DIXDC1: variants seen among roughly 807,000 people sequenced by gnomAD.
DIXDC1 encodes the protein dixin.
DIXDC1 carries 64 observed loss-of-function variants against 103.1 expected under a neutral mutation model. The ratio of observed to expected loss-of-function variants is 0.62; its 90% CI spans 0.51 to 0.76. The LOEUF is 0.76. DIXDC1 is among the 30% of genes least tolerant of loss of function. DIXDC1 has a pLI of 0.00. For missense variants in DIXDC1, 759 were observed against 834.2 expected (o/e 0.91, Z 1.11); for synonymous variants, 266 against 298.5 (o/e 0.89, Z 1.12).
intron 17 of DIXDC1, among the ~76,000 whole-genome samples, chr11:112,002,957 A>G (rs1444800849): frequency 1.3e-5 from 2 of 152,210 alleles, no homozygotes; most frequent in African/African-American, 2.4e-5. Flanking sequence ...GGAGCTGGAT[A>G]TTATTATGTG....
At position 112,019,727 on chromosome 11, in the gene DIXDC1, G is replaced by T. The variant is rs1397359003; in HGVS notation, c.*691G>T. ...CAGCTTGTCCTTTTGCCCACATAGG[G>T]CCTATTTCATGTACTGTTAGTTTTC... On this transcript the variant is annotated 3_prime_UTR_variant, in exon 20 of 20. Coordinates refer to ENST00000440460, the MANE Select transcript of DIXDC1 (RefSeq NM_001037954.4). 6.6e-6 allele frequency: 1 copy of T among 152,538 alleles called. No individual in the cohort carries two copies. Among genetic ancestry groups the T allele is most frequent in the Non-Finnish European group, 1.5e-5 (1 of 68,046 alleles). 9.4% of individuals were successfully genotyped at this position (152,538 alleles called of 1,614,324 possible). A position where few individuals can be genotyped will look rare whatever the true frequency, so the allele number is the denominator to read the frequency against.
At chr11:111,975,317 C>T in intron 5 of DIXDC1, 1 of 1,138,928 alleles carries the variant, frequency 8.8e-7, no homozygotes, top group Non-Finnish European at 1.1e-6. Flanking sequence ...TTTATGATAG[C>T]CAGTTCCATT....
At chr11:111,987,976 G>A (rs782361129) in intron 9 of DIXDC1, among the ~76,000 whole-genome samples, 3 of 151,514 alleles carry the variant, frequency 2.0e-5, no homozygotes, top group Non-Finnish European at 4.4e-5. Context: ...TTTTAATAGA[G>A]CAACTTTTAT....
chr11:111,994,935 A>C, intron 14 of DIXDC1, 84 bp from the exon 15 acceptor site: 1 of 1,223,494 alleles, frequency 8.2e-7, no homozygotes, highest in African/African-American at 1.5e-5. Flanking sequence ...TCAGGAAGTG[A>C]TAAATGTAAA....
At chr11:111,975,178 G>C in intron 5 of DIXDC1, 195 bp downstream of exon 5, 1 of 1,381,526 alleles carries the variant, frequency 7.2e-7, no homozygotes, top group Non-Finnish European at 9.4e-7. Context: ...TGGGGTGCTG[G>C]TTTATTTCCC....
At position 112,016,760 on chromosome 11, in the gene DIXDC1, G is replaced by T; in HGVS notation, c.1826G>T (p.Arg609Leu). ...TCTKVLYFTD[R>L]SLTPFMVNIP... The stretch of plus-strand genomic sequence containing the variant: ...ACTAAAGTGCTCTATTTCACTGACC[G>T]GTCACTTACGCCCTTCATGGTCAAT... Residue 609 changes from arginine (R) to leucine (L), a missense_variant, in exon 18 of 20, where the codon CGG becomes CTG. Coordinates refer to ENST00000440460, the MANE Select transcript of DIXDC1 (RefSeq NM_001037954.4). 2 of 1,608,874 alleles carry T rather than the reference G, an allele frequency of 1.2e-6. No homozygotes were observed. The highest frequency in any genetic ancestry group is 1.1e-5 in the South Asian group (1 of 90,020).
At chr11:111,964,843 G>A (rs1438426863) in intron 2 of DIXDC1, among the ~76,000 whole-genome samples, 165 bp downstream of exon 2, 4 of 152,064 alleles carry the variant, frequency 2.6e-5, no homozygotes, top group South Asian at 2.1e-4. Flanking sequence ...TTATTTATTC[G>A]TCAATAAACA....
rs368837847 is a variant in DIXDC1 at position 111,958,720 on chromosome 11, C to T, written c.61-5829C>T. Among the ~76,000 whole-genome samples the T allele has an allele frequency of 3.3e-5, 5 of 152,154 alleles. No individual in the cohort carries two copies. The highest frequency in any genetic ancestry group is 2.1e-4 in the South Asian group (1 of 4,824). ...GCCTGGGGGGTCAGGCTGCCAGCCC[C>T]GCAGACCGGAGTGGGAATTTATGGT... On this transcript the variant is annotated intron_variant, in intron 1 of 19. Coordinates refer to ENST00000440460, the MANE Select transcript of DIXDC1 (RefSeq NM_001037954.4). The surrounding 1 kb of genome is among the most constrained non-coding windows in gnomAD (Gnocchi z 4.2).
upstream of DIXDC1, chr11:111,937,193 C>A (rs1966230513): frequency 8.4e-6 from 9 of 1,074,970 alleles, no homozygotes; most frequent in African/African-American, 3.4e-5. Context: ...CCCGCCTGGC[C>A]GTGCGGCTTT....
At chr11:111,929,216 G>T (rs1384729422) in intron 1 of DIXDC1, among the ~76,000 whole-genome samples, 1 of 152,154 alleles carries the variant, frequency 6.6e-6, no homozygotes, top group Non-Finnish European at 1.5e-5. Flanking sequence ...TGCCTCTCTG[G>T]GTTAAAACTC....
intron 14 of DIXDC1, 57 bp downstream of exon 14, chr11:111,993,797 G>A: frequency 1.3e-6 from 2 of 1,585,434 alleles, no homozygotes; most frequent in Non-Finnish European, 1.7e-6. Flanking sequence ...GGGAGATTGT[G>A]TTTCTGACTC....
In DIXDC1 at chr11:111,995,437, G is replaced by T. The variant is rs781903706; in HGVS notation, c.1562G>T (p.Arg521Leu). Residue 521 changes from arginine to leucine, a missense_variant, in exon 16 of 20, where the codon CGC (arginine) becomes CTC (leucine). Arg to Leu is a moderately radical substitution (Grantham distance 102). Around this residue, in one of 3 missense-constraint regions of DIXDC1, gnomAD observed 657 missense variants for 727.5 expected, o/e 0.90. Coordinates refer to ENST00000440460, the MANE Select transcript of DIXDC1 (RefSeq NM_001037954.4). ...CTGCAGCTTGTTCGAGATGCTCTCCGCAGCCTGCGCAACAGCTTCAGTGGC... is the reference window on the plus strand; with the variant it reads ...CTGCAGCTTGTTCGAGATGCTCTCCTCAGCCTGCGCAACAGCTTCAGTGGC... ...SDLQLVRDAL[R>L]SLRNSFSGHD... 1 of 1,613,242 alleles carries T rather than the reference G, an allele frequency of 6.2e-7. No individual in the cohort carries two copies. Among genetic ancestry groups the T allele is most frequent in the African/African-American group, 1.3e-5 (1 of 74,908 alleles).
chr11:111,974,848 T>G, intron 4 of DIXDC1, 28 bp from the exon 5 acceptor site: 1 of 1,609,154 alleles, frequency 6.2e-7, no homozygotes, highest in Non-Finnish European at 8.5e-7. Context: ...ACTGACACCT[T>G]CCCTTTGCTG....
At chr11:112,004,663 A>G (rs1861178870) in intron 17 of DIXDC1, among the ~76,000 whole-genome samples, 1 of 152,344 alleles carries the variant, frequency 6.6e-6, no homozygotes, top group Admixed American at 6.5e-5. Context: ...AGGAAACAGC[A>G]TACAGAGACT....
chr11:111,962,085 T>C (rs1365253413), intron 1 of DIXDC1, among the ~76,000 whole-genome samples: 13 of 152,194 alleles, frequency 8.5e-5, no homozygotes, highest in African/African-American at 3.1e-4. Context: ...ATTGTTGAAC[T>C]GATTGTGTGA....
intron 1 of DIXDC1, among the ~76,000 whole-genome samples, chr11:111,944,146 C>G (rs2137452225): frequency 6.6e-6 from 1 of 152,314 alleles, no homozygotes. Flanking sequence ...ACCCTCATCT[C>G]CTCATCTTCT....
intron 1 of DIXDC1, among the ~76,000 whole-genome samples, chr11:111,951,416 C>A (rs1332754255): frequency 1.3e-5 from 2 of 151,868 alleles, no homozygotes; most frequent in Non-Finnish European, 2.9e-5. Context: ...CTACTGTATA[C>A]CTATAAAAAT....
At position 111,995,067 on chromosome 11, in the gene DIXDC1, C is replaced by T. The variant is rs371636063; in HGVS notation, c.1486C>T (p.Pro496Ser). 1 of 1,613,820 alleles carries T rather than the reference C, an allele frequency of 6.2e-7. No individual in the cohort carries two copies. ...CTCTCAAAGCAATGGTTTTCTCCTT[C>T]CAACGGCAGGAAAAGGAGCTACTTC... ...HNSQSNGFLL[P>S]TAGKGATSVS... The change falls in exon 15 of 20, where the codon CCA (proline) becomes TCA (serine). Residue 496 changes from proline to serine, a missense_variant. Physicochemically the swap from Pro to Ser is moderately conservative, Grantham distance 74 (BLOSUM62 -1). Coordinates refer to ENST00000440460, the MANE Select transcript of DIXDC1 (RefSeq NM_001037954.4).
chr11:111,950,900 G>A (rs995435055), intron 1 of DIXDC1, among the ~76,000 whole-genome samples: 3 of 152,064 alleles, frequency 2.0e-5, no homozygotes, highest in African/African-American at 7.2e-5. Context: ...TATACTTTTA[G>A]TTACTTTAAA....
Sources: allele counts gnomAD v4.1 joint callset (sites outside exome capture counted in the v4.1 genomes callset), GRCh38; gene constraint gnomAD v4.1.1; regional missense constraint gnomAD v4.1.1; non-coding constraint Gnocchi (gnomAD v3.1); transcripts MANE v1.5; gene names NCBI Gene and HGNC (gene_info 2026-07-23, HGNC 2026-07-21).